The following SDCCAG8 variants were observed in gnomAD, a reference collection of about 807,000 sequenced individuals.
The protein encoded by SDCCAG8 is SHH signaling and ciliogenesis regulator SDCCAG8.
SDCCAG8 carries 74 observed loss-of-function variants against 101.8 expected under a neutral mutation model. That is an observed-to-expected ratio of 0.73 (90% CI 0.60 to 0.88). SDCCAG8 has a LOEUF of 0.88. Ranked by LOEUF, SDCCAG8 falls within the 40% of genes least tolerant of loss-of-function variation. The pLI, the probability that SDCCAG8 is intolerant of heterozygous loss-of-function variation, is 0.00. For synonymous variants in SDCCAG8, 281 were observed against 292.9 expected (o/e 0.96, Z 0.41); for missense variants, 787 against 822.6 (o/e 0.96, Z 0.53).
At chr1:243,411,809 C>G (rs1251096840) in intron 13 of SDCCAG8, among the ~76,000 whole-genome samples, 1 of 152,202 alleles carries the variant, frequency 6.6e-6, no homozygotes, top group Admixed American at 6.5e-5. Context: ...GACTATACCA[C>G]AGTTTATCCA....
At chr1:243,336,650 C>G (rs997149163) in intron 10 of SDCCAG8, among the ~76,000 whole-genome samples, 4 of 152,060 alleles carry the variant, frequency 2.6e-5, no homozygotes, top group African/African-American at 9.7e-5. Context: ...GAAACTGCCC[C>G]GACGATCCAA....
chr1:243,417,988 C>G lies in SDCCAG8; in HGVS notation c.1765C>G (p.Leu589Val). The G allele has an allele frequency of 1.2e-6, 2 of 1,611,314 alleles. No homozygotes were observed. The highest frequency in any genetic ancestry group is 1.7e-6 in the Non-Finnish European group (2 of 1,177,754). ...TCTAGAAAATGAACAGTATTTGTTG[C>G]TGACCTCCCAGAATACATTTTTGAC... The part of the protein sequence containing the change: ...DKTENEQYLL[L>V]TSQNTFLTKL... The change falls in exon 15 of 18, where the codon CTG (leucine) becomes GTG (valine). Residue 589 changes from leucine to valine, a missense_variant. Leu to Val is a conservative substitution (Grantham distance 32). Coordinates refer to ENST00000366541, the MANE Select transcript of SDCCAG8 (RefSeq NM_006642.5).
chr1:243,368,042 C>T (rs1460703083), intron 12 of SDCCAG8, among the ~76,000 whole-genome samples: 1 of 151,452 alleles, frequency 6.6e-6, no homozygotes, highest in African/African-American at 2.4e-5. Context: ...GACAAAACCC[C>T]GTCTCTACAA....
chr1:243,304,472 C>T (rs1021133390), intron 6 of SDCCAG8, among the ~76,000 whole-genome samples: 1 of 152,086 alleles, frequency 6.6e-6, no homozygotes, highest in Non-Finnish European at 1.5e-5. Context: ...AGGGATAAGA[C>T]CTGATATATG....
At chr1:243,263,037 C>A (rs2067308081) in intron 1 of SDCCAG8, among the ~76,000 whole-genome samples, 1 of 152,218 alleles carries the variant, frequency 6.6e-6, no homozygotes. Context: ...CTGTCGGTCT[C>A]AGGCTGTGTC....
chr1:243,447,723 A>T (rs2083041296), intron 16 of SDCCAG8, among the ~76,000 whole-genome samples: 1 of 152,234 alleles, frequency 6.6e-6, no homozygotes, highest in Non-Finnish European at 1.5e-5. Flanking sequence ...GTACATTAGG[A>T]TATTAAAAGC....
At chr1:243,296,746 C>T (rs2070957893) in intron 6 of SDCCAG8, among the ~76,000 whole-genome samples, 2 of 151,274 alleles carry the variant, frequency 1.3e-5, no homozygotes, top group African/African-American at 4.8e-5. Flanking sequence ...GGGGTTTCAC[C>T]GTGGTCTCGA....
intron 16 of SDCCAG8, among the ~76,000 whole-genome samples, chr1:243,466,821 G>A (rs187424518): frequency 6.6e-6 from 1 of 152,230 alleles, no homozygotes; most frequent in African/African-American, 2.4e-5. Flanking sequence ...TGTTACCAAA[G>A]TTAGAATATG....
chr1:243,332,573 T>C (rs1282397971), intron 10 of SDCCAG8, among the ~76,000 whole-genome samples: 1 of 152,022 alleles, frequency 6.6e-6, no homozygotes, highest in Non-Finnish European at 1.5e-5. Flanking sequence ...GAGGTGATTA[T>C]TGCTGTCCAG....
At chr1:243,279,282 A>G (rs1350762909) in intron 4 of SDCCAG8, among the ~76,000 whole-genome samples, 1 of 152,114 alleles carries the variant, frequency 6.6e-6, no homozygotes, top group Admixed American at 6.5e-5. Flanking sequence ...CTCTATTCCT[A>G]GTTACTGAGA....
chr1:243,293,232 G>C lies in SDCCAG8; in HGVS notation c.675+13G>C. The C allele has an allele frequency of 6.2e-7, 1 of 1,613,746 alleles. No individual in the cohort carries two copies. The highest frequency in any genetic ancestry group is 8.5e-7 in the Non-Finnish European group (1 of 1,179,818). On this transcript the variant is annotated intron_variant, in intron 6 of 17. Transcript: ENST00000366541. ...GCAGCTAGAACTGGTGAGTATTTGG[G>C]TGCTTTTCTCTTATACATCTTTTTT...
chr1:243,358,989 G>C (rs1045825711), intron 12 of SDCCAG8, among the ~76,000 whole-genome samples: 1 of 152,198 alleles, frequency 6.6e-6, no homozygotes, highest in Admixed American at 6.5e-5. Context: ...GATGGGCATG[G>C]AGTTTCTTTT....
intron 12 of SDCCAG8, among the ~76,000 whole-genome samples, chr1:243,353,243 C>A (rs1573507663): frequency 6.6e-6 from 1 of 151,896 alleles, no homozygotes; most frequent in South Asian, 2.1e-4. Context: ...GTAATCCCAG[C>A]ACTTTAAGAG....
In SDCCAG8 at chr1:243,448,096, T is replaced by C. The variant is rs143282301; in HGVS notation, c.1985+21538T>C. On this transcript the variant is annotated intron_variant, in intron 16 of 17. Coordinates refer to ENST00000366541, the MANE Select transcript of SDCCAG8 (RefSeq NM_006642.5). ...ACTCATGGGTTGGGAGAGCTGCTCA[T>C]GGCTGTAGCTGCTGCAGGCACCCGC... 1.9e-4 allele frequency among the ~76,000 whole-genome samples: 29 copies of C among 152,318 alleles called. 1 individual carries two copies. The highest frequency in any genetic ancestry group is 6.3e-4 in the African/African-American group (26 of 41,568).
At chr1:243,425,365 G>A (rs1398499265) in intron 15 of SDCCAG8, among the ~76,000 whole-genome samples, 1 of 152,086 alleles carries the variant, frequency 6.6e-6, no homozygotes, top group Non-Finnish European at 1.5e-5. Context: ...AGAATGAGGT[G>A]AACTAAAAGC....
intron 6 of SDCCAG8, among the ~76,000 whole-genome samples, chr1:243,301,762 A>G (rs2071532041): frequency 6.6e-6 from 1 of 152,226 alleles, no homozygotes; most frequent in Non-Finnish European, 1.5e-5. Context: ...ATTTGAGGAA[A>G]AAAAAAGTCA....
At chr1:243,271,375 A>T (rs2068069601) in intron 3 of SDCCAG8, among the ~76,000 whole-genome samples, 1 of 149,028 alleles carries the variant, frequency 6.7e-6, no homozygotes, top group South Asian at 2.1e-4. Flanking sequence ...ATAATAAATT[A>T]TATGTCAGAA....
chr1:243,482,254 C>T (rs1663890547), intron 16 of SDCCAG8, among the ~76,000 whole-genome samples: 1 of 152,140 alleles, frequency 6.6e-6, no homozygotes. Context: ...ATCTTGAAGC[C>T]TTGCATATTT....
In SDCCAG8 at chr1:243,293,101, A is replaced by G. The variant is rs144254594; in HGVS notation, c.557A>G (p.His186Arg). The change falls in exon 6 of 18, where the codon CAC becomes CGC. Residue 186 changes from histidine to arginine, a missense_variant. His to Arg is a conservative substitution (Grantham distance 29, BLOSUM62 0). Transcript: ENST00000366541. ...CACATTTTATTTTAGGGAAACATGC[A>G]CAATTCTTGGATTACAACAGGTGAA... ...QTLLDASGNM[H>R]NSWITTGEDS... The G allele has an allele frequency of 6.2e-7, 1 of 1,614,018 alleles. No homozygotes were observed. The highest frequency in any genetic ancestry group is 1.3e-5 in the African/African-American group (1 of 74,926).
Sources: allele counts gnomAD v4.1 joint callset (sites outside exome capture counted in the v4.1 genomes callset), GRCh38; gene constraint gnomAD v4.1.1; transcripts MANE v1.5; gene names NCBI Gene and HGNC (gene_info 2026-07-23, HGNC 2026-07-21).